FBXL7: variants seen among roughly 807,000 people sequenced by gnomAD.
FBXL7 encodes F-box/LRR-repeat protein 7.
Under a neutral mutation model 38.3 loss-of-function variants are expected in FBXL7, and 12 were observed. The observed-to-expected ratio is 0.31, with a 90% CI of 0.20 to 0.51. The LOEUF is 0.51. FBXL7 is among the 20% of genes least tolerant of loss of function. The probability of loss-of-function intolerance (pLI) is 0.98; values close to 1 mark genes in which losing one functional copy is unlikely to be tolerated. For synonymous variants in FBXL7, 297 were observed against 300.9 expected (o/e 0.99, Z 0.13); for missense variants, 567 against 676.4 (o/e 0.84, Z 1.79).
At chr5:15,721,241 A>AT (rs1007068510) in intron 2 of FBXL7, among the ~76,000 whole-genome samples, 9 of 151,626 alleles carry the variant, frequency 5.9e-5, no homozygotes, top group Non-Finnish European at 1.0e-4. Flanking sequence ...ATTTTCGAAG[A>AT]TTTTTTTTTA....
At chr5:15,760,620 G>T (rs1246331337) in intron 2 of FBXL7, among the ~76,000 whole-genome samples, 1 of 152,036 alleles carries the variant, frequency 6.6e-6, no homozygotes, top group Non-Finnish European at 1.5e-5. Flanking sequence ...TGAAAACTAA[G>T]GGATGAAGCC....
At chr5:15,510,202 T>C (rs1320157778) in intron 1 of FBXL7, among the ~76,000 whole-genome samples, 1 of 152,236 alleles carries the variant, frequency 6.6e-6, no homozygotes, top group Non-Finnish European at 1.5e-5. Flanking sequence ...AGAAATGTTA[T>C]TAAAACATTT....
chr5:15,517,798 A>G (rs1402886778), intron 1 of FBXL7, among the ~76,000 whole-genome samples: 1 of 152,086 alleles, frequency 6.6e-6, no homozygotes, highest in Non-Finnish European at 1.5e-5. Flanking sequence ...CACGGCCTGG[A>G]GTACTTACCT....
chr5:15,818,941 A>G (rs919737493), intron 2 of FBXL7, among the ~76,000 whole-genome samples: 3 of 152,138 alleles, frequency 2.0e-5, no homozygotes, highest in African/African-American at 7.2e-5. Context: ...CCTCTGAGCA[A>G]TGGCCACAAT....
chr5:15,761,969 A>C (rs993936124), intron 2 of FBXL7, among the ~76,000 whole-genome samples: 5 of 152,224 alleles, frequency 3.3e-5, no homozygotes, highest in African/African-American at 1.2e-4. Context: ...AAATAACCCC[A>C]AAAAACTTAG....
At chr5:15,741,618 A>G (rs759499198) in intron 2 of FBXL7, among the ~76,000 whole-genome samples, 4 of 152,156 alleles carry the variant, frequency 2.6e-5, no homozygotes, top group Admixed American at 6.5e-5. Flanking sequence ...AAAAATTACA[A>G]ATCTTTAAAC....
intron 1 of FBXL7, among the ~76,000 whole-genome samples, chr5:15,531,542 T>G (rs572030325): frequency 1.8e-4 from 28 of 152,338 alleles, no homozygotes; most frequent in Non-Finnish European, 3.7e-4. Context: ...TCTGGCTATA[T>G]GGCCTGGCCA....
intron 1 of FBXL7, among the ~76,000 whole-genome samples, chr5:15,509,966 AT>A (rs1736748778): frequency 1.3e-5 from 2 of 152,160 alleles, no homozygotes; most frequent in Non-Finnish European, 2.9e-5. Context: ...CCATCTCTGA[AT>A]TTTCCTGGGT....
intron 2 of FBXL7, among the ~76,000 whole-genome samples, chr5:15,621,654 A>G (rs1740646387): frequency 6.6e-6 from 1 of 152,214 alleles, no homozygotes; most frequent in African/African-American, 2.4e-5. Context: ...CGGGTGGCTC[A>G]GTCTTTTCTG....
rs1244297111 is a variant in FBXL7, at chr5:15,622,250, TTTTTA to T, written c.127+6193_127+6197del. On this transcript the variant is annotated intron_variant, in intron 2 of 3. Transcript: ENST00000504595. ...CCAAATGCTTGGGCAGGACTTTTCT[TTTTTA>T]TTTTATTTTATTTTTTATTTTTATT... is the stretch of plus-strand genomic sequence containing the variant. 7.3e-5 allele frequency among the ~76,000 whole-genome samples: 11 copies of T among 151,272 alleles called. No homozygotes were observed. In the East Asian group the frequency reaches 7.7e-4, roughly 11 times the overall value.
intron 1 of FBXL7, among the ~76,000 whole-genome samples, chr5:15,559,441 C>T (rs1464985810): frequency 6.6e-6 from 1 of 152,080 alleles, no homozygotes; most frequent in Admixed American, 6.6e-5. Flanking sequence ...GGTCCCTGAA[C>T]GTGTAGTATA....
At chr5:15,623,415 C>T (rs1035014643) in intron 2 of FBXL7, among the ~76,000 whole-genome samples, 9 of 152,178 alleles carry the variant, frequency 5.9e-5, no homozygotes, top group Admixed American at 6.5e-5. Context: ...TTAAATGTAT[C>T]ATTGGAGGCT....
chr5:15,745,130 G>A (rs1267877217), intron 2 of FBXL7, among the ~76,000 whole-genome samples: 1 of 151,880 alleles, frequency 6.6e-6, no homozygotes, highest in Non-Finnish European at 1.5e-5. Context: ...TTGAATTAAT[G>A]CATTTCTCCA....
intron 1 of FBXL7, among the ~76,000 whole-genome samples, chr5:15,510,710 A>G (rs962672918): frequency 1.3e-5 from 2 of 152,246 alleles, no homozygotes; most frequent in Admixed American, 6.5e-5. Flanking sequence ...GGGGACAAAA[A>G]TGATTATTAA....
chr5:15,545,520 CTG>C (rs138449326), intron 1 of FBXL7, among the ~76,000 whole-genome samples: 1,737 of 152,268 alleles, frequency 0.011, 40 homozygotes, highest in African/African-American at 0.04. Flanking sequence ...TTGAATGTCA[CTG>C]TGTCTTTACT....
At chr5:15,570,484 C>T (rs549937594) in intron 1 of FBXL7, among the ~76,000 whole-genome samples, 1 of 152,194 alleles carries the variant, frequency 6.6e-6, no homozygotes, top group East Asian at 1.9e-4. Flanking sequence ...TCTCTCTTTT[C>T]TTCCTTTTCT....
chr5:15,634,301 A>G (rs1394161634), intron 2 of FBXL7, among the ~76,000 whole-genome samples: 3 of 135,842 alleles, frequency 2.2e-5, no homozygotes, highest in Non-Finnish European at 4.8e-5. Flanking sequence ...CTAAAACTTT[A>G]TATGTTCGTT....
In FBXL7 at chr5:15,893,576, T is replaced by C. The variant is rs7730859; in HGVS notation, c.128-34314T>C. On this transcript the variant is annotated intron_variant, in intron 2 of 3. Coordinates refer to ENST00000504595, the MANE Select transcript of FBXL7 (RefSeq NM_012304.5). ...GTTAACTTACTGCATAAAAGCATGA[T>C]CTGAATGTACTTTTTTTTTTAATTT... Among the ~76,000 whole-genome samples, 1,071 of 152,238 alleles carry C rather than the reference T, an allele frequency of 7.0e-3. 19 individuals are homozygous for C. Among genetic ancestry groups the C allele is most frequent in the African/African-American group, 0.024 (1,012 of 41,544 alleles).
rs565920174 is a variant in FBXL7 at position 15,865,937 on chromosome 5, A to T, written c.128-61953A>T. The stretch of plus-strand genomic sequence containing the variant: ...TCAGGGAAAATGCCCACATAAAGTA[A>T]CTGCTCCCTCCCTGACACCAGAACA... On this transcript the variant is annotated intron_variant, in intron 2 of 3. Transcript: ENST00000504595. Among the ~76,000 whole-genome samples the T allele has an allele frequency of 2.6e-5, 4 of 152,340 alleles. No individual in the cohort carries two copies. The South Asian group carries it at 8.3e-4, about 32-fold the overall frequency.
Sources: allele counts gnomAD v4.1 joint callset (sites outside exome capture counted in the v4.1 genomes callset), GRCh38; gene constraint gnomAD v4.1.1; transcripts MANE v1.5; gene names NCBI Gene and HGNC (gene_info 2026-07-23, HGNC 2026-07-21).